The following HPF1 variants were observed in gnomAD, a reference collection of about 807,000 sequenced individuals.
The protein encoded by HPF1 is histone PARylation factor 1, also known as UPF0609 protein C4orf27.
A neutral mutation model predicts 38.8 loss-of-function variants in HPF1; 35 were observed. The ratio of observed to expected loss-of-function variants is 0.90; its 90% CI spans 0.69 to 1.19. The LOEUF is 1.19. Ranked by LOEUF, HPF1 falls within the 50% of genes most tolerant of loss-of-function variation. HPF1 has a pLI of 0.00. For synonymous variants in HPF1, 115 were observed against 139.2 expected (o/e 0.83, Z 1.22); for missense variants, 367 against 405.8 (o/e 0.90, Z 0.82).
At chr4:169,754,731 G>T (rs1309055500) in intron 1 of HPF1, among the ~76,000 whole-genome samples, 2 of 152,028 alleles carry the variant, frequency 1.3e-5, no homozygotes, top group Non-Finnish European at 2.9e-5. Context: ...CCCCCCAGGG[G>T]ACATTTGGAG....
chr4:169,756,555 A>G (rs1404319584), intron 1 of HPF1, among the ~76,000 whole-genome samples: 1 of 152,132 alleles, frequency 6.6e-6, no homozygotes, highest in Non-Finnish European at 1.5e-5. Flanking sequence ...CTGATTTCCA[A>G]CCTTAGGCAA....
At chr4:169,743,473 G>T (rs965248851) in intron 4 of HPF1, among the ~76,000 whole-genome samples, 1 of 140,232 alleles carries the variant, frequency 7.1e-6, no homozygotes, top group Non-Finnish European at 1.5e-5. Context: ...AACACTAAAG[G>T]TCGATAGATT....
chr4:169,751,620 T>G (rs767503375), intron 2 of HPF1, among the ~76,000 whole-genome samples: 1 of 152,060 alleles, frequency 6.6e-6, no homozygotes, highest in African/African-American at 2.4e-5. Flanking sequence ...TAACTTCAAA[T>G]GGGTCCTTAC....
intron 7 of HPF1, among the ~76,000 whole-genome samples, chr4:169,729,963 T>C (rs1245368494): frequency 6.6e-6 from 1 of 152,224 alleles, no homozygotes; most frequent in Non-Finnish European, 1.5e-5. Flanking sequence ...CCTTATTCCC[T>C]TAGGTTTTAT....
intron 7 of HPF1, 124 bp downstream of exon 7, chr4:169,731,580 T>C: frequency 1.5e-6 from 1 of 651,438 alleles, no homozygotes; most frequent in Middle Eastern, 2.8e-4. Context: ...ACAAGCTGAA[T>C]CCCTGTCTTA....
In HPF1 at chr4:169,748,668, A is replaced by T. The variant is rs984609953; in HGVS notation, c.497+76T>A. On this transcript the variant is annotated intron_variant, in intron 4 of 7. Transcript: ENST00000393381. ...ATTACAGGTGTAAGCCACTGTGCCC[A>T]GCCCCTCAAACCCCCTTTGTAATGG... is the stretch of plus-strand genomic sequence containing the variant. The T allele has an allele frequency of 1.3e-5, 9 of 693,224 alleles. No individual in the cohort carries two copies. In the Admixed American group the frequency reaches 2.7e-4, roughly 21 times the overall value. The allele number at this position is 693,224 out of a possible 1,614,324, so 42.9% of individuals were successfully genotyped here.
Position 169,732,811 on chromosome 4 carries a change from A to G in HPF1, c.737-935T>C, listed in dbSNP as rs377335974. Reference sequence around the variant, plus strand: ...AACATACGGATTTTAAAAATACAGTATAACAACTATTTACATAGTGTCTAC... The same window carrying G: ...AACATACGGATTTTAAAAATACAGTGTAACAACTATTTACATAGTGTCTAC... On this transcript the variant is annotated intron_variant, in intron 6 of 7. Transcript: ENST00000393381. Among the ~76,000 whole-genome samples the G allele has an allele frequency of 3.3e-5, 5 of 152,236 alleles. No individual in the cohort carries two copies. The East Asian group carries it at 5.8e-4, about 18-fold the overall frequency.
chr4:169,753,493 T>C (rs1354133498), intron 2 of HPF1, among the ~76,000 whole-genome samples, 183 bp downstream of exon 2: 2 of 152,272 alleles, frequency 1.3e-5, no homozygotes, highest in African/African-American at 4.8e-5. Context: ...GTCTAGTTTT[T>C]TGTTTTTGTT....
chr4:169,754,223 C>T (rs920883381), intron 1 of HPF1, among the ~76,000 whole-genome samples: 1 of 152,264 alleles, frequency 6.6e-6, no homozygotes, highest in East Asian at 1.9e-4. Context: ...ATAGAAGTAA[C>T]TGGATATAAG....
At chr4:169,738,458 ACTTCT>A (rs1733925846) in intron 5 of HPF1, among the ~76,000 whole-genome samples, 1 of 152,136 alleles carries the variant, frequency 6.6e-6, no homozygotes, top group Admixed American at 6.6e-5. Flanking sequence ...CAAATATTCC[ACTTCT>A]TTGTGCAATT....
intron 6 of HPF1, among the ~76,000 whole-genome samples, chr4:169,733,739 T>C (rs972098529): frequency 1.3e-4 from 20 of 151,566 alleles, no homozygotes; most frequent in African/African-American, 4.9e-4. Flanking sequence ...CTACAAAAAA[T>C]AGAGAAATTA....
intron 4 of HPF1, among the ~76,000 whole-genome samples, chr4:169,746,411 C>G (rs914418330): frequency 2.0e-5 from 3 of 152,034 alleles, no homozygotes; most frequent in South Asian, 2.1e-4. Context: ...TAACATTTTT[C>G]AAATGTTAAC....
At chr4:169,740,772 A>C (rs1733958680) in intron 5 of HPF1, among the ~76,000 whole-genome samples, 1 of 152,218 alleles carries the variant, frequency 6.6e-6, no homozygotes. Flanking sequence ...ATGAAATTTA[A>C]ACCTCAATCA....
chr4:169,741,055 G>A (rs920626172), intron 5 of HPF1, among the ~76,000 whole-genome samples: 2 of 152,122 alleles, frequency 1.3e-5, no homozygotes, highest in Non-Finnish European at 2.9e-5. Flanking sequence ...ATTGTAATGG[G>A]TTTCATTAAA....
At position 169,731,703 on chromosome 4, in the gene HPF1, C is replaced by T; in HGVS notation, c.909+1G>A. 1 of 1,534,322 alleles carries T rather than the reference C, an allele frequency of 6.5e-7. No homozygotes were observed. The highest frequency in any genetic ancestry group is 8.7e-7 in the Non-Finnish European group (1 of 1,147,354). The stretch of plus-strand genomic sequence containing the variant: ...AGAAGGTGGAGGGTTTTTTTACTCA[C>T]ATGTGAGCCATAGCAAAAGAGATCC... On this transcript the variant is annotated splice_donor_variant, in intron 7 of 7. Coordinates refer to ENST00000393381, the MANE Select transcript of HPF1 (RefSeq NM_017867.3). LOFTEE classifies it high-confidence loss of function.
At chr4:169,736,768 C>T (rs1352111916) in intron 6 of HPF1, among the ~76,000 whole-genome samples, 1 of 152,104 alleles carries the variant, frequency 6.6e-6, no homozygotes, top group African/African-American at 2.4e-5. Context: ...AAGTTTTATC[C>T]CCCCAGAAGA....
chr4:169,752,443 C>T (rs1734131904), intron 2 of HPF1, among the ~76,000 whole-genome samples: 2 of 152,062 alleles, frequency 1.3e-5, no homozygotes, highest in Admixed American at 1.3e-4. Flanking sequence ...TATGACAGTG[C>T]CTACTAGTTA....
intron 7 of HPF1, 108 bp downstream of exon 7, chr4:169,731,596 G>T: frequency 1.3e-6 from 1 of 793,000 alleles, no homozygotes. Context: ...TCTTACCTCT[G>T]CTGGAATTTG....
intron 4 of HPF1, among the ~76,000 whole-genome samples, chr4:169,745,397 C>T (rs1734034823): frequency 6.6e-6 from 1 of 152,168 alleles, no homozygotes; most frequent in African/African-American, 2.4e-5. Flanking sequence ...TCCCTGGTGG[C>T]TCTGCCACTG....
Sources: allele counts gnomAD v4.1 joint callset (sites outside exome capture counted in the v4.1 genomes callset), GRCh38; gene constraint gnomAD v4.1.1; transcripts MANE v1.5; gene names NCBI Gene and HGNC (gene_info 2026-07-23, HGNC 2026-07-21).